The following MED1 variants were observed in gnomAD, a reference collection of about 807,000 sequenced individuals.
MED1 encodes mediator complex subunit 1.
In MED1, 17 loss-of-function variants were observed where a neutral mutation model predicts 121.3. The ratio of observed to expected loss-of-function variants is 0.14; its 90% CI spans 0.10 to 0.21. The LOEUF is 0.21. MED1 is among the 10% of genes least tolerant of loss of function. The pLI, the probability that MED1 is intolerant of heterozygous loss-of-function variation, is 1.00. For synonymous variants in MED1, 661 were observed against 694.4 expected (o/e 0.95, Z 0.76); for missense variants, 1,558 against 1,919.4 (o/e 0.81, Z 3.52).
intron 6 of MED1, 102 bp downstream of exon 6, chr17:39,439,063 A>C (rs1041518446): frequency 8.5e-5 from 91 of 1,070,942 alleles, no homozygotes; most frequent in Middle Eastern, 2.0e-4. Flanking sequence ...CAAGAAAATA[A>C]ACTTGTTCCT....
rs1026830441 is a variant in MED1 at position 39,404,365 on chromosome 17, G to T, written c.*3110C>A. 1 of 152,120 alleles carries T rather than the reference G, an allele frequency of 6.6e-6. No individual in the cohort carries two copies. Among genetic ancestry groups the T allele is most frequent in the Non-Finnish European group, 1.5e-5 (1 of 67,994 alleles). The allele number at this position is 152,120 out of a possible 1,614,324, so 9.4% of individuals were successfully genotyped here. On this transcript the variant is annotated 3_prime_UTR_variant, in exon 17 of 17. Coordinates refer to ENST00000300651, the MANE Select transcript of MED1 (RefSeq NM_004774.4). ...GTTTCGGGAAAAAAATCCCACAACAGATTTCATCTACTTTCAAAAAAATGA... is the reference window on the plus strand; with the variant it reads ...GTTTCGGGAAAAAAATCCCACAACATATTTCATCTACTTTCAAAAAAATGA...
chr17:39,417,586 G>A (rs1314240256), intron 14 of MED1, among the ~76,000 whole-genome samples: 1 of 146,350 alleles, frequency 6.8e-6, no homozygotes, highest in Non-Finnish European at 1.5e-5. Flanking sequence ...CCGAAATTGC[G>A]CCACTGCACT....
intron 16 of MED1, among the ~76,000 whole-genome samples, chr17:39,412,725 A>G (rs1024714073): frequency 2.0e-5 from 3 of 151,502 alleles, no homozygotes; most frequent in Admixed American, 1.3e-4. Context: ...TTTAGTAGAG[A>G]TGGGGTTTCA....
At position 39,405,409 on chromosome 17, in the gene MED1, A is replaced by C. The variant is rs2048295518; in HGVS notation, c.*2066T>G. 10 of 1,470,270 alleles carry C rather than the reference A, an allele frequency of 6.8e-6. No homozygotes were observed. The East Asian group carries it at 1.0e-4, about 15-fold the overall frequency. 91.1% of individuals were successfully genotyped at this position (1,470,270 alleles called of 1,614,324 possible). A position where few individuals can be genotyped will look rare whatever the true frequency, so the allele number is the denominator to read the frequency against. On this transcript the variant is annotated 3_prime_UTR_variant, in exon 17 of 17. Coordinates refer to ENST00000300651, the MANE Select transcript of MED1 (RefSeq NM_004774.4). The stretch of plus-strand genomic sequence containing the variant: ...CTGAGCCCATGATACTATTCAGTAC[A>C]TTCCCCCTAAGATTCTCCCCACTCA...
At chr17:39,449,156 G>A (rs892700955) in intron 1 of MED1, among the ~76,000 whole-genome samples, 6 of 151,914 alleles carry the variant, frequency 3.9e-5, no homozygotes, top group African/African-American at 1.5e-4. Context: ...GATCCTCCCA[G>A]CTCAGCCTTC....
At position 39,408,566 on chromosome 17, in the gene MED1, A is replaced by T. The variant is rs755683021; in HGVS notation, c.3655T>A (p.Ser1219Thr). The change falls in exon 17 of 17, where the codon TCT (serine) becomes ACT (threonine). Residue 1219 changes from serine (S) to threonine (T), a missense_variant. Coordinates refer to ENST00000300651, the MANE Select transcript of MED1 (RefSeq NM_004774.4). This position sits in a 1 kb window ranked among gnomAD's most constrained non-coding sequence, Gnocchi z 4.7. Reference sequence around the variant, plus strand: ...GAACTGATAGGGGACTTGGCTTTAGAGGATGGAGGAGTTCCAGGAACAGGC... The same window carrying T: ...GAACTGATAGGGGACTTGGCTTTAGTGGATGGAGGAGTTCCAGGAACAGGC... ...MKPVPGTPPSSKAKSPISSGS... is the reference protein window; with the variant it reads ...MKPVPGTPPSTKAKSPISSGS... 1 of 1,614,204 alleles carries T rather than the reference A, an allele frequency of 6.2e-7. No individual in the cohort carries two copies. Among genetic ancestry groups the T allele is most frequent in the Non-Finnish European group, 8.5e-7 (1 of 1,180,040 alleles).
At chr17:39,423,580 C>A in intron 12 of MED1, 117 bp downstream of exon 12, 1 of 1,486,982 alleles carries the variant, frequency 6.7e-7, no homozygotes, top group Non-Finnish European at 9.3e-7. Context: ...ACTATAACAT[C>A]TTTACCAGTA....
intron 3 of MED1, among the ~76,000 whole-genome samples, chr17:39,441,945 A>G (rs1198326597): frequency 6.6e-6 from 1 of 151,982 alleles, no homozygotes; most frequent in Non-Finnish European, 1.5e-5. Flanking sequence ...TCTACTAAAA[A>G]TCCAAAAATT....
At position 39,406,059 on chromosome 17, in the gene MED1, T is replaced by C; in HGVS notation, c.*1416A>G. On this transcript the variant is annotated 3_prime_UTR_variant, in exon 17 of 17. Coordinates refer to ENST00000300651, the MANE Select transcript of MED1 (RefSeq NM_004774.4). ...ATTTTTGAGAGGACCCTCCAAATAC[T>C]GAGAACTTCTGTTGCACTCGAAACA... 2.0e-6 allele frequency: 2 copies of C among 985,566 alleles called. No individual in the cohort carries two copies. Among genetic ancestry groups the C allele is most frequent in the Non-Finnish European group, 2.4e-6 (2 of 829,930 alleles). The allele number at this position is 985,566 out of a possible 1,614,324, so 61.1% of individuals were successfully genotyped here. A position where few individuals can be genotyped will look rare whatever the true frequency, so the allele number is the denominator to read the frequency against.
chr17:39,441,100 A>G, intron 3 of MED1, among the ~76,000 whole-genome samples: 1 of 152,222 alleles, frequency 6.6e-6, no homozygotes, highest in East Asian at 1.9e-4. Flanking sequence ...AATGAAATGT[A>G]TATACATAAA....
chr17:39,442,943 A>G (rs1318276540), intron 3 of MED1, among the ~76,000 whole-genome samples: 1 of 138,570 alleles, frequency 7.2e-6, no homozygotes, highest in Non-Finnish European at 1.6e-5. Context: ...CCATCTTCTT[A>G]TCGAGATTAA....
chr17:39,405,958 C>T lies in MED1; in HGVS notation c.*1517G>A. On this transcript the variant is annotated 3_prime_UTR_variant, in exon 17 of 17. Transcript: ENST00000300651. Reference sequence around the variant, plus strand: ...AGTTGTGCTGGGGACCATGCCCCATCCCGCTGATACAGATCCTGAATGGAA... The same window carrying T: ...AGTTGTGCTGGGGACCATGCCCCATTCCGCTGATACAGATCCTGAATGGAA... 3.0e-6 allele frequency: 3 copies of T among 985,364 alleles called. No homozygotes were observed. The highest frequency in any genetic ancestry group is 9.4e-5 in the South Asian group (2 of 21,270). 61.0% of individuals were successfully genotyped at this position (985,364 alleles called of 1,614,324 possible).
At chr17:39,434,184 A>G in intron 7 of MED1, 65 bp downstream of exon 7, 8 of 1,153,218 alleles carry the variant, frequency 6.9e-6, no homozygotes, top group Non-Finnish European at 9.9e-6. Context: ...ATTTCTAGGC[A>G]TAAGGTGGCT....
At chr17:39,422,208 G>A (rs1414255632) in intron 13 of MED1, among the ~76,000 whole-genome samples, 1 of 151,200 alleles carries the variant, frequency 6.6e-6, no homozygotes, top group African/African-American at 2.4e-5. Flanking sequence ...TCTGTTGCCA[G>A]GCTGAAGCGC....
chr17:39,429,916 T>G (rs890407048), intron 9 of MED1, among the ~76,000 whole-genome samples: 2 of 151,744 alleles, frequency 1.3e-5, no homozygotes, highest in African/African-American at 4.8e-5. Flanking sequence ...AGACCATGTC[T>G]CTATAAAACA....
In MED1 at chr17:39,444,898, A is replaced by C. The variant is rs148166839; in HGVS notation, c.133-1270T>G. On this transcript the variant is annotated intron_variant, in intron 2 of 16. Coordinates refer to ENST00000300651, the MANE Select transcript of MED1 (RefSeq NM_004774.4). ...AAAACAAAACAAACAAACAAACAAA[A>C]AAAAACTTAGCCTAGTTTTCCTAAC... Among the ~76,000 whole-genome samples, 743 of 152,116 alleles carry C rather than the reference A, an allele frequency of 4.9e-3. 1 individual carries two copies. The highest frequency in any genetic ancestry group is 0.018 in the East Asian group (95 of 5,180).
At chr17:39,418,456 C>T (rs1351935098) in intron 14 of MED1, among the ~76,000 whole-genome samples, 4 of 151,256 alleles carry the variant, frequency 2.6e-5, no homozygotes, top group Admixed American at 6.6e-5. Flanking sequence ...TCGCTTGAGC[C>T]AAGGAGGTAG....
At chr17:39,434,948 G>A (rs2048604229) in intron 6 of MED1, among the ~76,000 whole-genome samples, 1 of 152,084 alleles carries the variant, frequency 6.6e-6, no homozygotes, top group Non-Finnish European at 1.5e-5. Context: ...GGTGGATCAT[G>A]AGGTTAGGAG....
At chr17:39,426,164 G>A (rs1388609666) in intron 10 of MED1, among the ~76,000 whole-genome samples, 1 of 151,758 alleles carries the variant, frequency 6.6e-6, no homozygotes, top group South Asian at 2.1e-4. Flanking sequence ...AACAATAAAG[G>A]AGCCTGACGC....
Sources: allele counts gnomAD v4.1 joint callset (sites outside exome capture counted in the v4.1 genomes callset), GRCh38; gene constraint gnomAD v4.1.1; non-coding constraint Gnocchi (gnomAD v3.1); transcripts MANE v1.5; gene names NCBI Gene and HGNC (gene_info 2026-07-23, HGNC 2026-07-21).